The following ITGAL variants were observed in gnomAD, a reference collection of about 807,000 sequenced individuals.
ITGAL encodes the protein integrin alpha-L.
Under a neutral mutation model 138.4 loss-of-function variants are expected in ITGAL, and 68 were observed. The ratio of observed to expected loss-of-function variants is 0.49; its 90% CI spans 0.40 to 0.60. ITGAL has a LOEUF of 0.60. Among genes scored for constraint, ITGAL ranks in the 20% least tolerant of loss-of-function variants. ITGAL has a pLI of 0.00. For missense variants in ITGAL, 1,256 were observed against 1,478.6 expected (o/e 0.85, Z 2.47); for synonymous variants, 561 against 584.3 (o/e 0.96, Z 0.57).
chr16:30,505,223 T>G, intron 18 of ITGAL, 21 bp from the exon 19 acceptor site: 1 of 1,568,412 alleles, frequency 6.4e-7, no homozygotes, highest in Non-Finnish European at 8.7e-7. Flanking sequence ...CTCTCCATCC[T>G]GCCCACTACC....
intron 1 of ITGAL, among the ~76,000 whole-genome samples, chr16:30,473,609 A>G (rs1258685496): frequency 2.6e-5 from 4 of 152,164 alleles, no homozygotes; most frequent in Non-Finnish European, 5.9e-5. Context: ...GGATGCTCTG[A>G]ACTAAACTCC....
intron 24 of ITGAL, among the ~76,000 whole-genome samples, chr16:30,512,370 T>G (rs1291213507): frequency 6.6e-6 from 1 of 152,028 alleles, no homozygotes; most frequent in Non-Finnish European, 1.5e-5. Flanking sequence ...GTGGATCACT[T>G]GAGGTCAGTA....
chr16:30,512,892 G>T (rs202155258), intron 24 of ITGAL, among the ~76,000 whole-genome samples: 1 of 152,126 alleles, frequency 6.6e-6, no homozygotes, highest in Non-Finnish European at 1.5e-5. Flanking sequence ...GTAGAGACAG[G>T]GTTTCGCCAT....
At chr16:30,516,926 G>A (rs767631731) in intron 25 of ITGAL, 47 bp from the exon 26 acceptor site, 2 of 1,320,250 alleles carry the variant, frequency 1.5e-6, no homozygotes, top group Non-Finnish European at 2.2e-6. Flanking sequence ...GGGGGCAGCT[G>A]GGGTGGCTGG....
intron 1 of ITGAL, chr16:30,473,924 C>T: frequency 1.7e-6 from 1 of 595,214 alleles, no homozygotes; most frequent in Non-Finnish European, 3.2e-6. Flanking sequence ...GTCTGCTCCT[C>T]TCTCTGGAGC....
At chr16:30,513,871 C>T in intron 25 of ITGAL, 25 bp downstream of exon 25, 1 of 1,530,900 alleles carries the variant, frequency 6.5e-7, no homozygotes, top group Non-Finnish European at 9.1e-7. Flanking sequence ...GTGGAAGGTC[C>T]TTATAGGTCA....
At chr16:30,479,240 A>T in intron 5 of ITGAL, 32 bp downstream of exon 5, 1 of 1,612,920 alleles carries the variant, frequency 6.2e-7, no homozygotes, top group Non-Finnish European at 8.5e-7. Flanking sequence ...GGGTAAAAAT[A>T]CCTCCAAATG....
At chr16:30,475,473 C>T in intron 3 of ITGAL, 40 bp from the exon 4 acceptor site, 1 of 1,602,278 alleles carries the variant, frequency 6.2e-7, no homozygotes, top group Admixed American at 1.7e-5. Context: ...CCCACCTAGA[C>T]TGCCTGAGCT....
chr16:30,512,105 G>A (rs925984716), intron 24 of ITGAL, among the ~76,000 whole-genome samples: 16 of 152,276 alleles, frequency 1.1e-4, no homozygotes, highest in Non-Finnish European at 1.5e-4. Flanking sequence ...GTTTACAAAC[G>A]TCCCCTTTAA....
chr16:30,493,353 C>T (rs1311484946), intron 11 of ITGAL, among the ~76,000 whole-genome samples: 2 of 151,526 alleles, frequency 1.3e-5, no homozygotes, highest in Non-Finnish European at 2.9e-5. Flanking sequence ...AATCTCAGCT[C>T]GCTTCAAGCT....
chr16:30,479,051 C>A, intron 4 of ITGAL, 40 bp from the exon 5 acceptor site: 1 of 1,507,736 alleles, frequency 6.6e-7, no homozygotes, highest in Non-Finnish European at 9.2e-7. Context: ...AGACACATAG[C>A]AAATAGGAGA....
intron 4 of ITGAL, among the ~76,000 whole-genome samples, chr16:30,477,962 G>A (rs1034066448): frequency 6.6e-6 from 1 of 151,230 alleles, no homozygotes; most frequent in Non-Finnish European, 1.5e-5. Flanking sequence ...GGGAAGGAAG[G>A]AAGGGGAGAG....
intron 17 of ITGAL, among the ~76,000 whole-genome samples, chr16:30,501,756 C>G (rs1201765998): frequency 6.6e-6 from 1 of 151,832 alleles, no homozygotes. Context: ...AAAGTTAAAA[C>G]AGGCCAGGCA....
In ITGAL at chr16:30,499,174, AAAG is replaced by A. The variant is rs372796140; in HGVS notation, c.1937_1939del (p.Glu646del). On this transcript the variant is annotated inframe_deletion, in exon 16 of 31. Coordinates refer to ENST00000356798, the MANE Select transcript of ITGAL (RefSeq NM_002209.3). ...CTCCTATTCAACCAGTAACAAGATG[AAAG>A]AAGGAGTTAATATCACAATCTGTTT... The A allele has an allele frequency of 1.1e-4, 182 of 1,614,060 alleles. No homozygotes were observed. In the African/African-American group the frequency reaches 2.3e-3, roughly 20 times the overall value.
chr16:30,510,455 T>C lies in ITGAL; in HGVS notation c.2603T>C (p.Phe868Ser). Residue 868 changes from phenylalanine (F) to serine (S), a missense_variant, in exon 22 of 31, where the codon TTC (phenylalanine) becomes TCC (serine). Physicochemically the swap from Phe to Ser is radical, Grantham distance 155 (BLOSUM62 -2). Around this residue, in one of 3 missense-constraint regions of ITGAL, gnomAD observed 867 missense variants for 972.5 expected, o/e 0.89. Coordinates refer to ENST00000356798, the MANE Select transcript of ITGAL (RefSeq NM_002209.3). ...TCTTGCAATGTGAGCTCTCCCATCTTCAAAGCAGGCCACTCGGTGAGTGCT... is the reference window on the plus strand; with the variant it reads ...TCTTGCAATGTGAGCTCTCCCATCTCCAAAGCAGGCCACTCGGTGAGTGCT... ...ALSCNVSSPIFKAGHSVALQM... is the reference protein window; with the variant it reads ...ALSCNVSSPISKAGHSVALQM... The C allele has an allele frequency of 6.2e-7, 1 of 1,606,052 alleles. No homozygotes were observed. Among genetic ancestry groups the C allele is most frequent in the Non-Finnish European group, 8.5e-7 (1 of 1,172,660 alleles).
chr16:30,515,164 CT>C (rs1435690780), intron 25 of ITGAL, among the ~76,000 whole-genome samples: 1 of 152,162 alleles, frequency 6.6e-6, no homozygotes, highest in African/African-American at 2.4e-5. Context: ...CTGTCTTCCC[CT>C]AAGCCAGCAT....
At chr16:30,502,434 A>T (rs1212977038) in intron 17 of ITGAL, among the ~76,000 whole-genome samples, 4 of 148,088 alleles carry the variant, frequency 2.7e-5, no homozygotes, top group Non-Finnish European at 6.0e-5. Context: ...TTGATATCAA[A>T]TTGTTATGTT....
At chr16:30,506,895 C>A in intron 21 of ITGAL, 39 bp downstream of exon 21, 2 of 1,609,220 alleles carry the variant, frequency 1.2e-6, no homozygotes, top group South Asian at 1.1e-5. Context: ...GGCATCTGTT[C>A]GGCAGACACT....
rs557384200 is a variant in ITGAL at position 30,479,556 on chromosome 16, C to G, written c.576+95C>G. ...AGGAAATGTTAGTATGTGGAATCCT[C>G]AGAGCCTATGGGCATGGCTATAACT... On this transcript the variant is annotated intron_variant, in intron 6 of 30. Coordinates refer to ENST00000356798, the MANE Select transcript of ITGAL (RefSeq NM_002209.3). 5 of 1,268,556 alleles carry G rather than the reference C, an allele frequency of 3.9e-6. No individual in the cohort carries two copies. The Admixed American group carries it at 8.2e-5, about 21-fold the overall frequency. 78.6% of individuals were successfully genotyped at this position (1,268,556 alleles called of 1,614,324 possible). A position where few individuals can be genotyped will look rare whatever the true frequency, so the allele number is the denominator to read the frequency against.
Sources: gnomAD v4.1 joint callset for allele counts (sites outside exome capture counted in the v4.1 genomes callset) on GRCh38, gnomAD v4.1.1 for gene constraint, gnomAD v4.1.1 regional missense constraint, MANE v1.5 for transcripts, NCBI Gene and HGNC (gene_info 2026-07-23, HGNC 2026-07-21) for gene names.